Variants in RASAL2 observed in about 807,000 individuals in gnomAD.
RASAL2 encodes ras GTPase-activating protein nGAP.
Under a neutral mutation model 128.9 loss-of-function variants are expected in RASAL2, and 58 were observed. The ratio of observed to expected loss-of-function variants is 0.45; its 90% CI spans 0.36 to 0.56. The LOEUF is 0.56. Ranked by LOEUF, RASAL2 falls within the 20% of genes least tolerant of loss-of-function variation. RASAL2 has a pLI of 0.00. For synonymous variants in RASAL2, 561 were observed against 580.8 expected (o/e 0.97, Z 0.49); for missense variants, 1,360 against 1,601.6 (o/e 0.85, Z 2.57).
intron 4 of RASAL2, among the ~76,000 whole-genome samples, chr1:178,398,715 A>C (rs1332919623): frequency 2.0e-5 from 3 of 152,048 alleles, no homozygotes; most frequent in African/African-American, 7.2e-5. Context: ...TTTCCCTTGA[A>C]TTTCTCTTTG....
chr1:178,267,664 C>T (rs1666033450), intron 1 of RASAL2, among the ~76,000 whole-genome samples: 1 of 149,220 alleles, frequency 6.7e-6, no homozygotes, highest in Admixed American at 6.6e-5. Flanking sequence ...CTCTGTCGCC[C>T]AGCTGGAATG....
intron 1 of RASAL2, among the ~76,000 whole-genome samples, chr1:178,134,791 T>C (rs1446672408): frequency 6.6e-6 from 1 of 152,180 alleles, no homozygotes; most frequent in East Asian, 1.9e-4. Flanking sequence ...TACCAGTACA[T>C]CCTGAAGACA....
At chr1:178,289,103 A>G (rs1667163701) in intron 2 of RASAL2, among the ~76,000 whole-genome samples, 1 of 152,168 alleles carries the variant, frequency 6.6e-6, no homozygotes, top group Non-Finnish European at 1.5e-5. Flanking sequence ...TATTTCAGCC[A>G]GACTCTTACC....
intron 3 of RASAL2, among the ~76,000 whole-genome samples, chr1:178,306,096 A>G (rs1667972160): frequency 6.6e-6 from 1 of 152,208 alleles, no homozygotes; most frequent in African/African-American, 2.4e-5. Flanking sequence ...ATTTTGATTC[A>G]TCAAATTTTT....
chr1:178,309,392 G>A (rs1348232321), intron 3 of RASAL2, among the ~76,000 whole-genome samples: 1 of 152,116 alleles, frequency 6.6e-6, no homozygotes, highest in Non-Finnish European at 1.5e-5. Flanking sequence ...TGATATGCAA[G>A]TAATTTGAGG....
chr1:178,259,992 G>A (rs1202931480), intron 1 of RASAL2, among the ~76,000 whole-genome samples: 2 of 151,992 alleles, frequency 1.3e-5, no homozygotes, highest in African/African-American at 4.8e-5. Flanking sequence ...TAGACCTAAT[G>A]ATCTTACAAA....
chr1:178,292,812 A>G (rs1667339851), intron 2 of RASAL2, among the ~76,000 whole-genome samples: 1 of 152,218 alleles, frequency 6.6e-6, no homozygotes, highest in Non-Finnish European at 1.5e-5. Flanking sequence ...TCTTTTGGCA[A>G]TAACAGTCTA....
chr1:178,313,983 C>A (rs767057218), intron 3 of RASAL2, among the ~76,000 whole-genome samples: 6 of 152,108 alleles, frequency 3.9e-5, no homozygotes, highest in Non-Finnish European at 5.9e-5. Flanking sequence ...AAGATATTTT[C>A]TTCTCTTTGT....
At chr1:178,341,157 A>T (rs573852714) in intron 3 of RASAL2, among the ~76,000 whole-genome samples, 11 of 152,180 alleles carry the variant, frequency 7.2e-5, no homozygotes, top group Non-Finnish European at 1.5e-4. Context: ...CAAAATAAGA[A>T]TCTCTGAACT....
At chr1:178,347,250 C>A (rs983384498) in intron 3 of RASAL2, among the ~76,000 whole-genome samples, 18 of 152,186 alleles carry the variant, frequency 1.2e-4, no homozygotes, top group Admixed American at 5.2e-4. Context: ...CTCCCAGTGT[C>A]AGAAATTATA....
intron 1 of RASAL2, chr1:178,121,209 T>C (rs1659705351): frequency 6.6e-6 from 1 of 152,238 alleles, no homozygotes; most frequent in Non-Finnish European, 1.5e-5. Flanking sequence ...AAATTCTTTC[T>C]TATCTCTTGT....
At chr1:178,304,896 G>A (rs1667922017) in intron 3 of RASAL2, among the ~76,000 whole-genome samples, 1 of 152,050 alleles carries the variant, frequency 6.6e-6, no homozygotes, top group African/African-American at 2.4e-5. Context: ...CTTATATTTG[G>A]AGAAACCTAA....
At chr1:178,438,102 T>TGTGTGTGTGTG (rs1676370641) in intron 5 of RASAL2, among the ~76,000 whole-genome samples, 1 of 142,056 alleles carries the variant, frequency 7.0e-6, no homozygotes, top group Non-Finnish European at 1.5e-5. Context: ...AAATGGTGGC[T>TGTGTGTGTGTG]TGTGTGTGTG....
chr1:178,243,870 C>T (rs1315553842), intron 1 of RASAL2, among the ~76,000 whole-genome samples: 1 of 152,184 alleles, frequency 6.6e-6, no homozygotes, highest in Non-Finnish European at 1.5e-5. Context: ...AACGAGTCTA[C>T]ACCATCTTGT....
At chr1:178,440,368 C>G (rs1676550883) in intron 6 of RASAL2, among the ~76,000 whole-genome samples, 1 of 151,928 alleles carries the variant, frequency 6.6e-6, no homozygotes, top group African/African-American at 2.4e-5. Flanking sequence ...ATAGTACAAT[C>G]TGCATGCATA....
chr1:178,394,802 T>C (rs573239390), intron 4 of RASAL2, among the ~76,000 whole-genome samples: 136 of 152,302 alleles, frequency 8.9e-4, no homozygotes, highest in African/African-American at 3.2e-3. Flanking sequence ...CCTGTGCTCT[T>C]GTCACTGTGA....
Position 178,458,424 on chromosome 1 carries a change from G to C in RASAL2, c.3132G>C (p.Val1044=), listed in dbSNP as rs144412569. 2.3e-3 allele frequency: 3,758 copies of C among 1,614,216 alleles called. 24 individuals carry two copies. The Middle Eastern group carries it at 0.026, about 11-fold the overall frequency. The change falls in exon 14 of 18, where the codon GTG becomes GTC. Residue 1044 remains valine, a synonymous_variant. Coordinates refer to ENST00000367649, the MANE Select transcript of RASAL2 (RefSeq NM_170692.4). ...SLRSTGSMSV[V]SAALVAEPVQ... is the part of the protein sequence containing the mutation. ...GTAGCACCGGGAGCATGTCAGTGGT[G>C]TCCGCAGCCCTGGTGGCCGAACCTG...
intron 1 of RASAL2, among the ~76,000 whole-genome samples, chr1:178,235,614 GTGTC>G (rs1399446693): frequency 6.6e-6 from 1 of 152,206 alleles, no homozygotes; most frequent in East Asian, 1.9e-4. Context: ...GTGTGTGTGT[GTGTC>G]TGTGTGTGTG....
At chr1:178,236,939 T>C (rs1664276420) in intron 1 of RASAL2, among the ~76,000 whole-genome samples, 1 of 151,884 alleles carries the variant, frequency 6.6e-6, no homozygotes, top group Non-Finnish European at 1.5e-5. Context: ...AATTTTTGTA[T>C]TTTTAGTAGA....
Sources: allele counts gnomAD v4.1 joint callset (sites outside exome capture counted in the v4.1 genomes callset), GRCh38; gene constraint gnomAD v4.1.1; transcripts MANE v1.5; gene names NCBI Gene and HGNC (gene_info 2026-07-23, HGNC 2026-07-21).